The following INAFM1 variants were observed in gnomAD, a reference collection of about 807,000 sequenced individuals.
INAFM1 encodes the protein InaF motif containing 1.
INAFM1 carries 11 observed loss-of-function variants against 9.4 expected under a neutral mutation model. That is an observed-to-expected ratio of 1.17 (90% confidence interval 0.74 to 1.94). INAFM1 has a LOEUF of 1.94. INAFM1 is among the 30% of genes most tolerant of loss of function. INAFM1 has a pLI of 0.00. For synonymous variants in INAFM1, 161 were observed against 109.5 expected (o/e 1.47, Z -2.94); for missense variants, 318 against 221.6 (o/e 1.44, Z -2.76).
At chr19:47,274,861 G>A, upstream of INAFM1, 1 of 1,128,604 alleles carries the variant, frequency 8.9e-7, no homozygotes, top group Non-Finnish European at 1.1e-6. Context: ...GGTGGGGGCG[G>A]GGCCTGGTGG....
Position 47,275,295 on chromosome 19 carries a change from C to T in INAFM1, c.376C>T (p.Arg126Cys), listed in dbSNP as rs1249277804. 4 of 1,545,996 alleles carry T rather than the reference C, an allele frequency of 2.6e-6. No individual in the cohort carries two copies. In the African/African-American group the frequency reaches 4.2e-5, roughly 16 times the overall value. The change falls in exon 1 of 1, where the codon CGC (arginine) becomes TGC (cysteine). Residue 126 changes from arginine to cysteine, a missense_variant. Physicochemically the swap from Arg to Cys is radical, Grantham distance 180. Coordinates refer to ENST00000552360, the MANE Select transcript of INAFM1 (RefSeq NM_178511.6). ...CAGCGACCCTGACCGCCGTCCGAGCCGCCAGACACCCAGAGAGACGCCAGA... is the reference window on the plus strand; with the variant it reads ...CAGCGACCCTGACCGCCGTCCGAGCTGCCAGACACCCAGAGAGACGCCAGA... ...RYSDPDRRPSRQTPRETPEAA... is the reference protein window; with the variant it reads ...RYSDPDRRPSCQTPRETPEAA...
At chr19:47,274,774 A>C (rs1255383952), upstream of INAFM1, 5 of 365,594 alleles carry the variant, frequency 1.4e-5, no homozygotes, top group Non-Finnish European at 1.5e-5. Context: ...CGGAGGCGGC[A>C]GCTCGCGTGG....
In INAFM1 at chr19:47,275,069, C is replaced by T; in HGVS notation, c.150C>T (p.Tyr50=). ...VSLAAVLLAV[Y]YGLIWVPTRS... ...TAGCTGCCGTGCTGCTCGCCGTGTA[C>T]TACGGTCTCATCTGGGTACCCACGC... The change falls in exon 1 of 1, where the codon TAC becomes TAT. Residue 50 remains tyrosine (Y), a synonymous_variant. Transcript: ENST00000552360. 6.7e-7 allele frequency: 1 copy of T among 1,497,028 alleles called. No homozygotes were observed. The highest frequency in any genetic ancestry group is 8.9e-7 in the Non-Finnish European group (1 of 1,126,804). 92.7% of individuals were successfully genotyped at this position (1,497,028 alleles called of 1,614,324 possible). A position where few individuals can be genotyped will look rare whatever the true frequency, so the allele number is the denominator to read the frequency against.
chr19:47,274,872 G>A, upstream of INAFM1: 6 of 1,208,014 alleles, frequency 5.0e-6, no homozygotes, highest in Non-Finnish European at 6.2e-6. Context: ...GGCCTGGTGG[G>A]GGCGGGGCCT....
upstream of INAFM1, chr19:47,274,614 A>C: frequency 5.4e-6 from 1 of 185,614 alleles, no homozygotes; most frequent in Non-Finnish European, 9.8e-6. Context: ...ATGAAGTCCG[A>C]GTCTGGGAAG....
chr19:47,274,799 T>G, upstream of INAFM1: 3 of 603,822 alleles, frequency 5.0e-6, no homozygotes, highest in Non-Finnish European at 6.1e-6. Flanking sequence ...GTGACCATGC[T>G]GGCGGGGGCG....
Position 47,275,671 on chromosome 19 carries a change from G to C in INAFM1, c.*323G>C, listed in dbSNP as rs1338487772. ...CACCTCCCTGAATCCGTGTCCATCT[G>C]CAATAAACGACAGCCTCGGCTGCCT... On this transcript the variant is annotated 3_prime_UTR_variant, in exon 1 of 1. Coordinates refer to ENST00000552360, the MANE Select transcript of INAFM1 (RefSeq NM_178511.6). The C allele has an allele frequency of 1.5e-5, 6 of 402,766 alleles. No homozygotes were observed. Among genetic ancestry groups the C allele is most frequent in the Non-Finnish European group, 2.8e-5 (6 of 216,210 alleles). The allele number at this position is 402,766 out of a possible 1,614,324, so 24.9% of individuals were successfully genotyped here. A position where few individuals can be genotyped will look rare whatever the true frequency, so the allele number is the denominator to read the frequency against.
At position 47,274,991 on chromosome 19, in the gene INAFM1, G is replaced by C; in HGVS notation, c.72G>C (p.Arg24=). Residue 24 remains arginine (R), a synonymous_variant, in exon 1 of 1, where the codon CGG becomes CGC. Coordinates refer to ENST00000552360, the MANE Select transcript of INAFM1 (RefSeq NM_178511.6). ...PGGAGLSEGP[R]GRWLRLAPVC... is the part of the protein sequence containing the mutation. ...GCGCGGGGCTGAGCGAGGGCCCGCG[G>C]GGGCGCTGGCTGCGCTTGGCTCCGG... 1 of 1,469,114 alleles carries C rather than the reference G, an allele frequency of 6.8e-7. No individual in the cohort carries two copies. Among genetic ancestry groups the C allele is most frequent in the African/African-American group, 1.5e-5 (1 of 68,094 alleles). 91.0% of individuals were successfully genotyped at this position (1,469,114 alleles called of 1,614,324 possible).
chr19:47,274,673 A>G, upstream of INAFM1: 1 of 176,850 alleles, frequency 5.7e-6, no homozygotes, highest in Non-Finnish European at 9.1e-6. Context: ...GGTGGGGCTA[A>G]GCGCGGGGGC....
At position 47,275,012 on chromosome 19, in the gene INAFM1, T is replaced by A. The variant is rs1317063749; in HGVS notation, c.93T>A (p.Ala31=). The stretch of plus-strand genomic sequence containing the variant: ...CGCGGGGGCGCTGGCTGCGCTTGGC[T>A]CCGGTATGCGCCTACTTCCTCTGCG... ...EGPRGRWLRL[A]PVCAYFLCVS... Residue 31 remains alanine (A), a synonymous_variant, in exon 1 of 1, where the codon GCT becomes GCA. Transcript: ENST00000552360. 6.1e-6 allele frequency: 9 copies of A among 1,479,442 alleles called. No individual in the cohort carries two copies. Among genetic ancestry groups the A allele is most frequent in the Non-Finnish European group, 8.0e-6 (9 of 1,119,618 alleles). 91.6% of individuals were successfully genotyped at this position (1,479,442 alleles called of 1,614,324 possible).
rs1198500747 is a variant in INAFM1 at position 47,275,037 on chromosome 19, G to A, written c.118G>A (p.Val40Ile). 5 of 1,489,894 alleles carry A rather than the reference G, an allele frequency of 3.4e-6. No individual in the cohort carries two copies. In the African/African-American group the frequency reaches 4.4e-5, roughly 13 times the overall value. The allele number at this position is 1,489,894 out of a possible 1,614,324, so 92.3% of individuals were successfully genotyped here. A position where few individuals can be genotyped will look rare whatever the true frequency, so the allele number is the denominator to read the frequency against. Reference sequence around the variant, plus strand: ...TCCGGTATGCGCCTACTTCCTCTGCGTCTCGCTAGCTGCCGTGCTGCTCGC... The same window carrying A: ...TCCGGTATGCGCCTACTTCCTCTGCATCTCGCTAGCTGCCGTGCTGCTCGC... ...LAPVCAYFLCVSLAAVLLAVY... is the reference protein window; with the variant it reads ...LAPVCAYFLCISLAAVLLAVY... The change falls in exon 1 of 1, where the codon GTC becomes ATC. Residue 40 changes from valine (V) to isoleucine (I), a missense_variant. Transcript: ENST00000552360.
upstream of INAFM1, chr19:47,274,707 G>A (rs1299513148): frequency 4.1e-6 from 1 of 240,982 alleles, no homozygotes; most frequent in Non-Finnish European, 7.0e-6. Context: ...GGGGGGCGGG[G>A]TAGCACCTCC....
chr19:47,274,824 C>A (rs1449446375), upstream of INAFM1: 16 of 813,382 alleles, frequency 2.0e-5, no homozygotes, highest in African/African-American at 3.5e-5. Context: ...CGGAGGCGGG[C>A]GGTTTAGAGA....
At position 47,275,212 on chromosome 19, in the gene INAFM1, G is replaced by A. The variant is rs2059150891; in HGVS notation, c.293G>A (p.Gly98Glu). 1 of 1,525,960 alleles carries A rather than the reference G, an allele frequency of 6.6e-7. No homozygotes were observed. The highest frequency in any genetic ancestry group is 8.8e-7 in the Non-Finnish European group (1 of 1,137,758). The allele number at this position is 1,525,960 out of a possible 1,614,324, so 94.5% of individuals were successfully genotyped here. Residue 98 changes from glycine to glutamate, a missense_variant, in exon 1 of 1, where the codon GGA (glycine) becomes GAA (glutamate). Physicochemically the swap from Gly to Glu is moderately conservative, Grantham distance 98. Coordinates refer to ENST00000552360, the MANE Select transcript of INAFM1 (RefSeq NM_178511.6). ...PAAASLSCLL[G>E]VPGGPRPQLQ... ...GCTGCCTCCCTCTCCTGCCTCCTGGGAGTCCCCGGCGGGCCGCGACCCCAG... is the reference window on the plus strand; with the variant it reads ...GCTGCCTCCCTCTCCTGCCTCCTGGAAGTCCCCGGCGGGCCGCGACCCCAG...
Position 47,275,187 on chromosome 19 carries a change from GCTGCCTCCCTCTC to G in INAFM1, c.277_289del (p.Leu93TrpfsTer15), listed in dbSNP as rs1169592828. The G allele has an allele frequency of 1.4e-6, 2 of 1,475,930 alleles. No homozygotes were observed. The highest frequency in any genetic ancestry group is 2.8e-5 in the East Asian group (1 of 35,252). The allele number at this position is 1,475,930 out of a possible 1,614,324, so 91.4% of individuals were successfully genotyped here. On this transcript the variant is annotated frameshift_variant, in exon 1 of 1. Coordinates refer to ENST00000552360, the MANE Select transcript of INAFM1 (RefSeq NM_178511.6). LOFTEE classifies it high-confidence loss of function. ...CGTGCCGCCTGTCCCGGCGCCCGCC[GCTGCCTCCCTCTC>G]CTGCCTCCTGGGAGTCCCCGGCGGG...
Position 47,275,623 on chromosome 19 carries a change from A to G in INAFM1, c.*275A>G, listed in dbSNP as rs550060522. 3 of 477,058 alleles carry G rather than the reference A, an allele frequency of 6.3e-6. No individual in the cohort carries two copies. Among genetic ancestry groups the G allele is most frequent in the East Asian group, 7.6e-5 (2 of 26,466 alleles). 29.6% of individuals were successfully genotyped at this position (477,058 alleles called of 1,614,324 possible). On this transcript the variant is annotated 3_prime_UTR_variant, in exon 1 of 1. Coordinates refer to ENST00000552360, the MANE Select transcript of INAFM1 (RefSeq NM_178511.6). ...TCCTGCTGTGGGATGCTGAGCACAG[A>G]GCCCACAGCCCATCTGCCTCTTCAC...
chr19:47,275,112 G>C lies in INAFM1; in HGVS notation c.193G>C (p.Ala65Pro). The C allele has an allele frequency of 6.7e-7, 1 of 1,493,140 alleles. No homozygotes were observed. The highest frequency in any genetic ancestry group is 8.9e-7 in the Non-Finnish European group (1 of 1,124,958). The allele number at this position is 1,493,140 out of a possible 1,614,324, so 92.5% of individuals were successfully genotyped here. The change falls in exon 1 of 1, where the codon GCC becomes CCC. Residue 65 changes from alanine (A) to proline (P), a missense_variant. Ala to Pro is a conservative substitution (Grantham distance 27). Transcript: ENST00000552360. Reference sequence around the variant, plus strand: ...ACCCACGCGGTCTCCCGCGGCACCCGCCGGCCCACAGCCCAGCGCGCCGTC... The same window carrying C: ...ACCCACGCGGTCTCCCGCGGCACCCCCCGGCCCACAGCCCAGCGCGCCGTC... The part of the protein sequence containing the change: ...WVPTRSPAAP[A>P]GPQPSAPSPP...
Position 47,274,944 on chromosome 19 carries a change from G to C in INAFM1, c.25G>C (p.Gly9Arg). Residue 9 changes from glycine to arginine, a missense_variant, in exon 1 of 1, where the codon GGC (glycine) becomes CGC (arginine). Transcript: ENST00000552360. The part of the protein sequence containing the change: MRGTSCVG[G>R]GAESPGGAGL... ...GATGCGGGGGACCAGCTGCGTGGGCGGCGGCGCCGAGAGCCCCGGAGGCGC... is the reference window on the plus strand; with the variant it reads ...GATGCGGGGGACCAGCTGCGTGGGCCGCGGCGCCGAGAGCCCCGGAGGCGC... The C allele has an allele frequency of 7.4e-7, 1 of 1,355,068 alleles. No individual in the cohort carries two copies. Among genetic ancestry groups the C allele is most frequent in the South Asian group, 1.8e-5 (1 of 54,244 alleles). 83.9% of individuals were successfully genotyped at this position (1,355,068 alleles called of 1,614,324 possible). A position where few individuals can be genotyped will look rare whatever the true frequency, so the allele number is the denominator to read the frequency against.
rs766010553 is a variant in INAFM1 at position 47,274,988 on chromosome 19, G to C, written c.69G>C (p.Pro23=). The C allele has an allele frequency of 6.8e-7, 1 of 1,467,662 alleles. No individual in the cohort carries two copies. The highest frequency in any genetic ancestry group is 1.3e-5 in the South Asian group (1 of 77,226). 90.9% of individuals were successfully genotyped at this position (1,467,662 alleles called of 1,614,324 possible). ...GAGGCGCGGGGCTGAGCGAGGGCCC[G>C]CGGGGGCGCTGGCTGCGCTTGGCTC... ...SPGGAGLSEG[P]RGRWLRLAPV... The change falls in exon 1 of 1, where the codon CCG becomes CCC. Residue 23 remains proline (P), a synonymous_variant. Transcript: ENST00000552360.
Sources: allele counts gnomAD v4.1 joint callset, GRCh38; gene constraint gnomAD v4.1.1; transcripts MANE v1.5; gene names NCBI Gene and HGNC (gene_info 2026-07-23, HGNC 2026-07-21).